The following BRF1 variants were observed in gnomAD, a reference collection of about 807,000 sequenced individuals.
The protein encoded by BRF1 is BRF1 general transcription factor IIIB subunit.
In BRF1, 59 loss-of-function variants were observed where a neutral mutation model predicts 81.7. That is an observed-to-expected ratio of 0.72 (90% CI 0.59 to 0.90). The LOEUF (loss-of-function observed/expected upper bound fraction) is 0.90, where lower values mean the gene tolerates loss of function less well. Among genes scored for constraint, BRF1 ranks in the 40% least tolerant of loss-of-function variants. The pLI, the probability that BRF1 is intolerant of heterozygous loss-of-function variation, is 0.00. For missense variants in BRF1, 1,050 were observed against 936.3 expected, an observed-to-expected ratio of 1.12 and a Z score of -1.58; for synonymous variants, 491 against 395.6, an observed-to-expected ratio of 1.24 and a Z score of -2.86.
At chr14:105,270,237 G>A (rs1328158603) in intron 3 of BRF1, among the ~76,000 whole-genome samples, 10 of 149,976 alleles carry the variant, frequency 6.7e-5, no homozygotes, top group Non-Finnish European at 1.3e-4. Flanking sequence ...GCAGTGGCGC[G>A]ATCTCGGCTC....
At chr14:105,221,542 C>T (rs1449464554) in intron 11 of BRF1, 106 bp downstream of exon 11, 7 of 1,460,064 alleles carry the variant, frequency 4.8e-6, no homozygotes, top group Non-Finnish European at 6.3e-6. Flanking sequence ...GAGACCACCA[C>T]ACCTCCCGAC....
intron 11 of BRF1, among the ~76,000 whole-genome samples, chr14:105,220,936 G>T (rs1892183332): frequency 6.6e-6 from 1 of 152,226 alleles, no homozygotes; most frequent in South Asian, 2.1e-4. Context: ...TGTCCCCTCT[G>T]CCTGTTGCTC....
chr14:105,222,026 C>A, intron 10 of BRF1, 112 bp from the exon 11 acceptor site: 16 of 1,362,554 alleles, frequency 1.2e-5, no homozygotes, highest in Non-Finnish European at 1.5e-5. Flanking sequence ...GCTGTCAGTG[C>A]ACGGTGCCTG....
In BRF1 at chr14:105,256,580, G is replaced by A. The variant is rs587726827; in HGVS notation, c.440-31C>T. ...GCAGGAGTCAAGGATCCTGTCGAGTGGCTGCAAGCTCAGGTTACTCGCCCA... is the reference window on the plus strand; with the variant it reads ...GCAGGAGTCAAGGATCCTGTCGAGTAGCTGCAAGCTCAGGTTACTCGCCCA... On this transcript the variant is annotated intron_variant, in intron 3 of 17. Transcript: ENST00000547530. 2.2e-4 allele frequency: 362 copies of A among 1,609,430 alleles called. 3 individuals are homozygous for A. The South Asian group carries it at 3.8e-3, about 17-fold the overall frequency.
chr14:105,219,432 G>A (rs896057709), intron 12 of BRF1, 200 bp from the exon 13 acceptor site: 13 of 1,192,100 alleles, frequency 1.1e-5, no homozygotes, highest in Middle Eastern at 2.9e-4. Flanking sequence ...CTGTCCCAAG[G>A]CCAACCACGC....
intron 11 of BRF1, 56 bp downstream of exon 11, chr14:105,221,592 C>T (rs763818453): frequency 2.3e-5 from 36 of 1,571,708 alleles, no homozygotes; most frequent in Admixed American, 6.1e-5. Context: ...GAGAGGCACA[C>T]GCCTGAAAGA....
rs762039812 is a variant in BRF1 at position 105,228,771 on chromosome 14, CTGA to C, written c.788+46_788+48del. 6.2e-6 allele frequency: 10 copies of C among 1,602,994 alleles called. No homozygotes were observed. The South Asian group carries it at 1.1e-4, about 18-fold the overall frequency. On this transcript the variant is annotated intron_variant, in intron 7 of 17. Coordinates refer to ENST00000547530, the MANE Select transcript of BRF1 (RefSeq NM_001519.4). ...CTCTGGCAAGCAGGCCTGAGCTGGA[CTGA>C]TGAAGCCTCTGTGTGGTCCCCATGC...
chr14:105,301,629 A>G (rs587615592), upstream of BRF1, among the ~76,000 whole-genome samples: 57 of 152,336 alleles, frequency 3.7e-4, no homozygotes, highest in Admixed American at 1.6e-3. Flanking sequence ...CCCAGGTTCC[A>G]GAGCCTCCCC....
intron 1 of BRF1, chr14:105,314,930 A>T: frequency 9.2e-7 from 1 of 1,085,956 alleles, no homozygotes; most frequent in Non-Finnish European, 1.1e-6. Context: ...TGGCCGAGCG[A>T]GGCCGCCTCG....
intron 1 of BRF1, among the ~76,000 whole-genome samples, chr14:105,313,843 T>C (rs1032937679): frequency 1.3e-3 from 199 of 152,272 alleles, no homozygotes; most frequent in African/African-American, 4.6e-3. Flanking sequence ...GCCAAACAGA[T>C]GGGGGAAGCA....
chr14:105,274,623 C>A (rs2056803031), intron 2 of BRF1, among the ~76,000 whole-genome samples: 1 of 152,234 alleles, frequency 6.6e-6, no homozygotes, highest in South Asian at 2.1e-4. Context: ...ATGATGGCAT[C>A]AGGAGGGAAA....
intron 15 of BRF1, among the ~76,000 whole-genome samples, chr14:105,215,554 C>CT: frequency 6.6e-6 from 1 of 152,062 alleles, no homozygotes; most frequent in East Asian, 1.9e-4. Flanking sequence ...CAGGCACACA[C>CT]ACATGCACAC....
chr14:105,279,501 G>A (rs933253679), intron 2 of BRF1, among the ~76,000 whole-genome samples: 4 of 151,678 alleles, frequency 2.6e-5, no homozygotes, highest in East Asian at 3.9e-4. Context: ...ATGCCGCAGC[G>A]AGTGTGCTAC....
chr14:105,291,109 G>C (rs1405496826), intron 1 of BRF1, among the ~76,000 whole-genome samples: 1 of 152,180 alleles, frequency 6.6e-6, no homozygotes, highest in Non-Finnish European at 1.5e-5. Flanking sequence ...CTGACATGTG[G>C]AAGGGGCCAG....
In BRF1 at chr14:105,217,807, G is replaced by A. The variant is rs376622506; in HGVS notation, c.1516-7C>T. ...GCTTGCAAGACTTCTTGGGCTTGAG[G>A]GAAACAAGCAAGAATGCCTCCCGTG... On this transcript the variant is annotated splice_region_variant and splice_polypyrimidine_tract_variant and intron_variant, in intron 14 of 17. Coordinates refer to ENST00000547530, the MANE Select transcript of BRF1 (RefSeq NM_001519.4). 5 of 1,608,638 alleles carry A rather than the reference G, an allele frequency of 3.1e-6. No individual in the cohort carries two copies. The highest frequency in any genetic ancestry group is 1.3e-5 in the African/African-American group (1 of 74,996).
chr14:105,292,155 T>C (rs1566870964), intron 1 of BRF1, among the ~76,000 whole-genome samples: 1 of 152,086 alleles, frequency 6.6e-6, no homozygotes, highest in Non-Finnish European at 1.5e-5. Context: ...CACGCCTAGC[T>C]AATGTTTTCT....
chr14:105,310,664 G>A (rs79175087), intron 1 of BRF1, among the ~76,000 whole-genome samples: 3,271 of 152,178 alleles, frequency 0.021, 93 homozygotes, highest in African/African-American at 0.067. Context: ...AGGACGGGGC[G>A]CAGCCCCAGC....
At position 105,291,025 on chromosome 14, in the gene BRF1, T is replaced by C. The variant is rs587720215; in HGVS notation, c.185-4649A>G. On this transcript the variant is annotated intron_variant, in intron 1 of 17. Transcript: ENST00000547530. The stretch of plus-strand genomic sequence containing the variant: ...CTGAAACTGCCAGGATGCCCTCTAC[T>C]TCTAAAAACATTTGGTATTTTCCAT... Among the ~76,000 whole-genome samples, 3 of 152,256 alleles carry C rather than the reference T, an allele frequency of 2.0e-5. No homozygotes were observed. The South Asian group carries it at 6.2e-4, about 32-fold the overall frequency.
chr14:105,226,885 G>A (rs1893189554), intron 7 of BRF1, 125 bp from the exon 8 acceptor site: 1 of 1,421,206 alleles, frequency 7.0e-7, no homozygotes, highest in Non-Finnish European at 9.6e-7. Context: ...AAGGTGGGTG[G>A]ATTGCTTGAG....
Sources: gnomAD v4.1 joint callset for allele counts (sites outside exome capture counted in the v4.1 genomes callset) on GRCh38, gnomAD v4.1.1 for gene constraint, MANE v1.5 for transcripts, NCBI Gene and HGNC (gene_info 2026-07-23, HGNC 2026-07-21) for gene names.